Variants in SUGCT observed in about 807,000 individuals in gnomAD.
SUGCT encodes succinyl-CoA:glutarate CoA-transferase.
SUGCT carries 41 observed loss-of-function variants against 55.0 expected under a neutral mutation model. The ratio of observed to expected loss-of-function variants is 0.74; its 90% confidence interval spans 0.58 to 0.97. The LOEUF is 0.97. Among genes scored for constraint, SUGCT ranks in the 50% least tolerant of loss-of-function variants. SUGCT has a pLI of 0.00. For missense variants in SUGCT, 568 were observed against 547.8 expected (o/e 1.04, Z -0.37); for synonymous variants, 187 against 200.4 (o/e 0.93, Z 0.56).
chr7:40,993,763 G>A, the SUGCT span, among the ~76,000 whole-genome samples: 1 of 152,182 alleles, frequency 6.6e-6, no homozygotes, highest in Non-Finnish European at 1.5e-5. Context: ...CTCAGAGCTG[G>A]AAAATGACCT....
intron 13 of SUGCT, among the ~76,000 whole-genome samples, chr7:40,854,419 C>CCT (rs1794036598): frequency 2.3e-5 from 2 of 88,804 alleles, no homozygotes; most frequent in African/African-American, 4.7e-5. Context: ...TTCTTTCTTT[C>CCT]CTTTCTTTCT....
intron 13 of SUGCT, among the ~76,000 whole-genome samples, chr7:40,771,728 T>A (rs912727952): frequency 6.6e-6 from 1 of 152,184 alleles, no homozygotes; most frequent in African/African-American, 2.4e-5. Context: ...TGAAAGGAAA[T>A]ATAATTTTAA....
intron 12 of SUGCT, among the ~76,000 whole-genome samples, chr7:40,674,864 G>T (rs530484280): frequency 6.6e-6 from 1 of 152,146 alleles, no homozygotes; most frequent in East Asian, 1.9e-4. Flanking sequence ...AGACAAAGAT[G>T]AGAAGTTCTG....
the SUGCT span, among the ~76,000 whole-genome samples, chr7:41,035,198 A>T: frequency 3.3e-5 from 5 of 152,236 alleles, no homozygotes; most frequent in African/African-American, 1.2e-4. Flanking sequence ...TGAGAAAAGA[A>T]GGTTCTTGAA....
At chr7:40,303,286 G>A (rs907801416) in intron 8 of SUGCT, among the ~76,000 whole-genome samples, 4 of 151,680 alleles carry the variant, frequency 2.6e-5, no homozygotes, top group South Asian at 2.1e-4. Flanking sequence ...CGCCTGCCTC[G>A]GCCTCCCAAA....
intron 9 of SUGCT, among the ~76,000 whole-genome samples, chr7:40,361,565 C>T (rs1202838013): frequency 3.3e-5 from 5 of 150,638 alleles, no homozygotes; most frequent in African/African-American, 1.2e-4. Flanking sequence ...CACAGCGAGA[C>T]TCCATCTCAA....
intron 6 of SUGCT, among the ~76,000 whole-genome samples, chr7:40,207,167 A>G (rs1021186020): frequency 2.0e-5 from 3 of 152,144 alleles, no homozygotes; most frequent in African/African-American, 4.8e-5. Context: ...ACTGCACTCC[A>G]GCTTGGGTGA....
chr7:40,982,720 G>A, the SUGCT span, among the ~76,000 whole-genome samples: 4 of 151,858 alleles, frequency 2.6e-5, no homozygotes, highest in African/African-American at 4.8e-5. Context: ...GCATGATCTC[G>A]GCTCACTGCA....
At chr7:40,512,449 G>C (rs945082752) in intron 12 of SUGCT, among the ~76,000 whole-genome samples, 3 of 152,156 alleles carry the variant, frequency 2.0e-5, no homozygotes, top group Admixed American at 2.0e-4. Flanking sequence ...AGAGTGCTGT[G>C]GCTGTGTACA....
the SUGCT span, among the ~76,000 whole-genome samples, chr7:40,866,779 A>T: frequency 6.6e-6 from 1 of 152,114 alleles, no homozygotes; most frequent in Admixed American, 6.6e-5. Context: ...ATGTAAGCCC[A>T]GCATGCAGGC....
chr7:40,611,510 C>T (rs1183296656), intron 12 of SUGCT, among the ~76,000 whole-genome samples: 2 of 151,786 alleles, frequency 1.3e-5, no homozygotes, highest in Non-Finnish European at 2.9e-5. Flanking sequence ...TGGAGTGTTG[C>T]TTTTATTTTA....
chr7:40,426,487 G>T (rs1315363287), intron 9 of SUGCT, among the ~76,000 whole-genome samples: 1 of 152,104 alleles, frequency 6.6e-6, no homozygotes, highest in Non-Finnish European at 1.5e-5. Flanking sequence ...CTACTTCCAG[G>T]AAGAGAAGCT....
chr7:40,526,797 A>G (rs1437975682), intron 12 of SUGCT, among the ~76,000 whole-genome samples: 4 of 152,224 alleles, frequency 2.6e-5, no homozygotes, highest in African/African-American at 7.2e-5. Context: ...GAATTTTTCC[A>G]GAGAGTCCTA....
intron 12 of SUGCT, among the ~76,000 whole-genome samples, chr7:40,728,413 G>A (rs1047869410): frequency 1.1e-4 from 16 of 152,134 alleles, no homozygotes; most frequent in Admixed American, 2.0e-4. Flanking sequence ...CAGCTACTTG[G>A]GAGGCTGAGG....
chr7:40,813,785 T>G (rs533158138), intron 13 of SUGCT, among the ~76,000 whole-genome samples: 1 of 152,322 alleles, frequency 6.6e-6, no homozygotes, highest in Non-Finnish European at 1.5e-5. Context: ...TGCTTTGTAG[T>G]TTCTATTGTG....
chr7:40,648,637 C>G (rs1408960398), intron 12 of SUGCT, among the ~76,000 whole-genome samples: 1 of 152,204 alleles, frequency 6.6e-6, no homozygotes, highest in African/African-American at 2.4e-5. Flanking sequence ...GACTGGTGTC[C>G]TTACAAGGAG....
At position 40,705,362 on chromosome 7, in the gene SUGCT, A is replaced by G. The variant is rs1039233485; in HGVS notation, c.1090-44072A>G. 3.3e-5 allele frequency among the ~76,000 whole-genome samples: 5 copies of G among 152,298 alleles called. No homozygotes were observed. The South Asian group carries it at 1.0e-3, about 32-fold the overall frequency. ...CAGGTAGATTTAGATAATGAACACC[A>G]CAATCAAGAGGTAAAACTGTTCCAT... On this transcript the variant is annotated intron_variant, in intron 12 of 13. Transcript: ENST00000335693.
chr7:40,395,224 C>A (rs574087687), intron 9 of SUGCT, among the ~76,000 whole-genome samples: 1 of 152,046 alleles, frequency 6.6e-6, no homozygotes, highest in Non-Finnish European at 1.5e-5. Flanking sequence ...TGAGGTGGCT[C>A]ACGCCTGCAA....
At chr7:40,196,468 A>G (rs10265714) in intron 6 of SUGCT, among the ~76,000 whole-genome samples, 9,182 of 152,256 alleles carry the variant, frequency 0.06, 866 homozygotes, top group African/African-American at 0.2. Flanking sequence ...GATAGATAGT[A>G]AATAAATAAG....
Sources: gnomAD v4.1 joint callset for allele counts (sites outside exome capture counted in the v4.1 genomes callset) on GRCh38, gnomAD v4.1.1 for gene constraint, MANE v1.5 for transcripts, NCBI Gene and HGNC (gene_info 2026-07-23, HGNC 2026-07-21) for gene names.